Variants in FBH1 observed in about 807,000 individuals in gnomAD.
The protein encoded by FBH1 is DNA 3'-5' helicase 1.
Under a neutral mutation model 115.5 loss-of-function variants are expected in FBH1, and 43 were observed. That is an observed-to-expected ratio of 0.37 (90% confidence interval 0.29 to 0.48). The LOEUF (loss-of-function observed/expected upper bound fraction) is 0.48, where lower values mean the gene tolerates loss of function less well. Among genes scored for constraint, FBH1 ranks in the 20% least tolerant of loss-of-function variants. The pLI, the probability that FBH1 is intolerant of heterozygous loss-of-function variation, is 0.99. For missense variants in FBH1, 1,001 were observed against 1,337.3 expected, an observed-to-expected ratio of 0.75 and a Z score of 3.92; for synonymous variants, 524 against 507.8, an observed-to-expected ratio of 1.03 and a Z score of -0.43.
At position 5,916,020 on chromosome 10, in the gene FBH1, G is replaced by C. The variant is rs956711507; in HGVS notation, c.1566-214G>C. The C allele has an allele frequency of 5.3e-6, 3 of 570,364 alleles. No homozygotes were observed. In the African/African-American group the frequency reaches 5.6e-5, roughly 11 times the overall value. The allele number at this position is 570,364 out of a possible 1,614,324, so 35.3% of individuals were successfully genotyped here. On this transcript the variant is annotated intron_variant, in intron 9 of 20. Transcript: ENST00000362091. ...GGTGGAATAGCAGTGTCTGCCGAAAGCTGGTTCCTATTCTGGGTTGGTACA... is the reference window on the plus strand; with the variant it reads ...GGTGGAATAGCAGTGTCTGCCGAAACCTGGTTCCTATTCTGGGTTGGTACA...
At chr10:5,912,936 T>C (rs992098076) in intron 6 of FBH1, among the ~76,000 whole-genome samples, 1 of 152,160 alleles carries the variant, frequency 6.6e-6, no homozygotes, top group Non-Finnish European at 1.5e-5. Context: ...ACATCTGAAA[T>C]GTTGGATTAT....
intron 19 of FBH1, among the ~76,000 whole-genome samples, chr10:5,930,398 A>G (rs965397375): frequency 6.6e-6 from 1 of 152,186 alleles, no homozygotes; most frequent in Non-Finnish European, 1.5e-5. Context: ...AAACTGGGTC[A>G]TTCGTCCTAC....
rs1002470949 is a variant in FBH1, at chr10:5,933,117, G to A, written c.2830-3339G>A. On this transcript the variant is annotated intron_variant, in intron 19 of 20. Transcript: ENST00000362091. The surrounding 1 kb of genome is among the most constrained non-coding windows in gnomAD (Gnocchi z 4.9). ...ATAAGAGTGAAATAGGCCCGGCGCA[G>A]TAGCTCACACCTGTAATCCCAGTAC... 6.6e-6 allele frequency among the ~76,000 whole-genome samples: 1 copy of A among 152,196 alleles called. No homozygotes were observed. The highest frequency in any genetic ancestry group is 1.5e-5 in the Non-Finnish European group (1 of 68,052).
rs1842881200 is a variant in FBH1 at position 5,894,088 on chromosome 10, G to A, written c.1+3742G>A. On this transcript the variant is annotated intron_variant, in intron 1 of 20. Transcript: ENST00000362091. ...TGTGAGAGGATCCCGGGGAGATTGA[G>A]CTTACTGCCTGGGAACTTTTGGATT... is the stretch of plus-strand genomic sequence containing the variant. 1.7e-5 allele frequency: 17 copies of A among 985,306 alleles called. No homozygotes were observed. In the South Asian group the frequency reaches 8.0e-4, roughly 46 times the overall value. 61.0% of individuals were successfully genotyped at this position (985,306 alleles called of 1,614,324 possible).
Position 5,917,674 on chromosome 10 carries a change from C to G in FBH1, c.1961C>G (p.Pro654Arg). ...IFVDEAQDCT[P>R]AIMNIVLSQP... ...GTGGATGAGGCCCAGGACTGCACAC[C>G]AGGTGATACACTGTTCAGGACATCA... Residue 654 changes from proline (P) to arginine (R), a missense_variant and splice_region_variant, in exon 12 of 21, where the codon CCA (proline) becomes CGA (arginine). By Grantham distance (103) the Pro-to-Arg change is moderately radical. Transcript: ENST00000362091. This position sits in a 1 kb window ranked among gnomAD's most constrained non-coding sequence, Gnocchi z 5.6. The G allele has an allele frequency of 6.2e-7, 1 of 1,612,568 alleles. No homozygotes were observed. The highest frequency in any genetic ancestry group is 8.5e-7 in the Non-Finnish European group (1 of 1,178,856).
Position 5,923,575 on chromosome 10 carries a change from C to T in FBH1, c.2323-46C>T, listed in dbSNP as rs1459601593. On this transcript the variant is annotated intron_variant, in intron 15 of 20. Coordinates refer to ENST00000362091, the MANE Select transcript of FBH1 (RefSeq NM_178150.3). The surrounding 1 kb of genome is among the most constrained non-coding windows in gnomAD (Gnocchi z 5.7). ...TAAAGCAACAACAAACAAAACAAAACAAAAAACAACAAAAAAACAAAAATC... is the reference window on the plus strand; with the variant it reads ...TAAAGCAACAACAAACAAAACAAAATAAAAAACAACAAAAAAACAAAAATC... The T allele has an allele frequency of 2.0e-6, 3 of 1,522,824 alleles. No homozygotes were observed. The highest frequency in any genetic ancestry group is 1.4e-5 in the African/African-American group (1 of 72,222). The allele number at this position is 1,522,824 out of a possible 1,614,324, so 94.3% of individuals were successfully genotyped here.
chr10:5,910,956 C>T lies in FBH1; in HGVS notation c.1039C>T (p.Leu347=). ...CTTGCAGGGTGTCAACATCTGGGCCCTGGTGGCGGCTGTGGTGCTCCTCTC... is the reference window on the plus strand; with the variant it reads ...CTTGCAGGGTGTCAACATCTGGGCCTTGGTGGCGGCTGTGGTGCTCCTCTC... ...AAAGGVNIWA[L]VAAVVLLSSS... Residue 347 remains leucine (L), a synonymous_variant, in exon 6 of 21, where the codon CTG becomes TTG. Transcript: ENST00000362091. This position sits in a 1 kb window ranked among gnomAD's most constrained non-coding sequence, Gnocchi z 4.8. 1 of 1,610,754 alleles carries T rather than the reference C, an allele frequency of 6.2e-7. No individual in the cohort carries two copies. Among genetic ancestry groups the T allele is most frequent in the South Asian group, 1.1e-5 (1 of 91,000 alleles).
At position 5,890,388 on chromosome 10, in the gene FBH1, T is replaced by C. The variant is rs1174497867; in HGVS notation, c.1+42T>C. 49 of 368,776 alleles carry C rather than the reference T, an allele frequency of 1.3e-4. No homozygotes were observed. The East Asian group carries it at 2.0e-3, about 15-fold the overall frequency. 22.8% of individuals were successfully genotyped at this position (368,776 alleles called of 1,614,324 possible). ...ACGTGGCAGGGAGTGTGGGAGGGGC[T>C]CCGCCGTGTGGAAAACTTAACCTCC... On this transcript the variant is annotated intron_variant, in intron 1 of 20. Coordinates refer to ENST00000362091, the MANE Select transcript of FBH1 (RefSeq NM_178150.3).
At chr10:5,929,129 C>G (rs544352149) in intron 19 of FBH1, among the ~76,000 whole-genome samples, 3 of 152,178 alleles carry the variant, frequency 2.0e-5, no homozygotes, top group Non-Finnish European at 4.4e-5. Flanking sequence ...AAGCACCTTT[C>G]TGGGTACTGG....
Position 5,914,268 on chromosome 10 carries a change from C to G in FBH1, c.1395C>G (p.Ala465=). The G allele has an allele frequency of 1.2e-6, 2 of 1,614,034 alleles. No homozygotes were observed. Among genetic ancestry groups the G allele is most frequent in the Non-Finnish European group, 8.5e-7 (1 of 1,179,886 alleles). Residue 465 remains alanine, a splice_region_variant and synonymous_variant, in exon 8 of 21, where the codon GCC becomes GCG. Transcript: ENST00000362091. This position sits in a 1 kb window ranked among gnomAD's most constrained non-coding sequence, Gnocchi z 5.2. ...PLQVVKIMAF[A]GTGKTSTLVK... ...AGGTGGTGAAAATTATGGCCTTTGC[C>G]GGTAAGGGAGCCCACATCAGGTTCA... is the stretch of plus-strand genomic sequence containing the variant.
chr10:5,914,328 C>T lies in FBH1; in HGVS notation c.1396+59C>T. 1 of 1,389,594 alleles carries T rather than the reference C, an allele frequency of 7.2e-7. No individual in the cohort carries two copies. The highest frequency in any genetic ancestry group is 1.0e-6 in the Non-Finnish European group (1 of 975,752). The allele number at this position is 1,389,594 out of a possible 1,614,324, so 86.1% of individuals were successfully genotyped here. A position where few individuals can be genotyped will look rare whatever the true frequency, so the allele number is the denominator to read the frequency against. ...GGTTTTCTGCCTTTTCTCCCTACAT[C>T]CCCTTCCCGCTACCTGCCAGGGCAT... On this transcript the variant is annotated intron_variant, in intron 8 of 20. Coordinates refer to ENST00000362091, the MANE Select transcript of FBH1 (RefSeq NM_178150.3). This position sits in a 1 kb window ranked among gnomAD's most constrained non-coding sequence, Gnocchi z 5.2.
chr10:5,914,340 A>T lies in FBH1; in HGVS notation c.1396+71A>T. On this transcript the variant is annotated intron_variant, in intron 8 of 20. Coordinates refer to ENST00000362091, the MANE Select transcript of FBH1 (RefSeq NM_178150.3). The surrounding 1 kb of genome is among the most constrained non-coding windows in gnomAD (Gnocchi z 5.2). ...TTTCTCCCTACATCCCCTTCCCGCT[A>T]CCTGCCAGGGCATCTTTGCTCTGAT... 7.9e-7 allele frequency: 1 copy of T among 1,259,212 alleles called. No individual in the cohort carries two copies. The highest frequency in any genetic ancestry group is 1.8e-4 in the Middle Eastern group (1 of 5,416). 78.0% of individuals were successfully genotyped at this position (1,259,212 alleles called of 1,614,324 possible).
At position 5,924,628 on chromosome 10, in the gene FBH1, C is replaced by T. The variant is rs1460703183; in HGVS notation, c.2596+120C>T. On this transcript the variant is annotated intron_variant, in intron 17 of 20. Coordinates refer to ENST00000362091, the MANE Select transcript of FBH1 (RefSeq NM_178150.3). The surrounding 1 kb of genome is among the most constrained non-coding windows in gnomAD (Gnocchi z 6.2). ...TGTTGCCCAGGCTGGAGTGCAGTGG[C>T]GTGATCTTGGCTCACTGCAATGCCC... The T allele has an allele frequency of 1.1e-5, 11 of 1,039,110 alleles. No homozygotes were observed. Among genetic ancestry groups the T allele is most frequent in the East Asian group, 2.6e-5 (1 of 37,992 alleles). The allele number at this position is 1,039,110 out of a possible 1,614,324, so 64.4% of individuals were successfully genotyped here.
At chr10:5,891,039 C>G (rs1202322847) in intron 1 of FBH1, 1 of 470,540 alleles carries the variant, frequency 2.1e-6, no homozygotes, top group Non-Finnish European at 2.8e-6. Context: ...GAAGACAACC[C>G]TATGAGGCAT....
intron 13 of FBH1, among the ~76,000 whole-genome samples, chr10:5,919,452 C>T (rs1205347542): frequency 1.3e-5 from 2 of 152,084 alleles, no homozygotes; most frequent in East Asian, 3.8e-4. Context: ...CACCATTGTA[C>T]TCCAGCCTGG....
At chr10:5,903,217 G>C (rs755851028) in intron 2 of FBH1, 42 bp downstream of exon 2, 4 of 1,494,084 alleles carry the variant, frequency 2.7e-6, no homozygotes, top group Non-Finnish European at 3.6e-6. Flanking sequence ...AACCTGTAGT[G>C]TGTGGGTCCT....
In FBH1 at chr10:5,920,573, TA is replaced by T. The variant is rs561408951; in HGVS notation, c.2101-684del. Reference sequence around the variant, plus strand: ...ATCTATCTTAATATGAACTCATGGATATTTATGTTATAATTTCGGTTATGGT... The same window carrying T: ...ATCTATCTTAATATGAACTCATGGATTTTATGTTATAATTTCGGTTATGGT... On this transcript the variant is annotated intron_variant, in intron 13 of 20. Transcript: ENST00000362091. Among the ~76,000 whole-genome samples, 940 of 152,372 alleles carry T rather than the reference TA, an allele frequency of 6.2e-3. 12 individuals carry two copies. Among genetic ancestry groups the T allele is most frequent in the African/African-American group, 0.022 (896 of 41,584 alleles).
chr10:5,899,990 A>G (rs591510), intron 1 of FBH1, among the ~76,000 whole-genome samples: 51,359 of 152,128 alleles, frequency 0.34, 10,465 homozygotes, highest in East Asian at 0.68. Flanking sequence ...CAGCAACATT[A>G]CAGAACCAGC....
rs776024864 is a variant in FBH1, at chr10:5,895,202, G to A, written c.1+4856G>A. 4 of 1,609,080 alleles carry A rather than the reference G, an allele frequency of 2.5e-6. No individual in the cohort carries two copies. In the Admixed American group the frequency reaches 5.0e-5, roughly 20 times the overall value. On this transcript the variant is annotated intron_variant, in intron 1 of 20. Coordinates refer to ENST00000362091, the MANE Select transcript of FBH1 (RefSeq NM_178150.3). The surrounding 1 kb of genome is among the most constrained non-coding windows in gnomAD (Gnocchi z 5.0). Reference sequence around the variant, plus strand: ...GCACGCTGAAAGTAAGAGGCATGTGGGAAACTGACCAGGGCGGTTAGCTGA... The same window carrying A: ...GCACGCTGAAAGTAAGAGGCATGTGAGAAACTGACCAGGGCGGTTAGCTGA...
Sources: gnomAD v4.1 joint callset for allele counts (sites outside exome capture counted in the v4.1 genomes callset) on GRCh38, gnomAD v4.1.1 for gene constraint, Gnocchi (gnomAD v3.1) non-coding constraint, MANE v1.5 for transcripts, NCBI Gene and HGNC (gene_info 2026-07-23, HGNC 2026-07-21) for gene names.